Variants in DYNC2H1 observed in about 807,000 individuals in gnomAD.
DYNC2H1 encodes cytoplasmic dynein 2 heavy chain 1.
In DYNC2H1, 410 loss-of-function variants were observed where a neutral mutation model predicts 570.0. That is an observed-to-expected ratio of 0.72 (90% CI 0.66 to 0.78). The LOEUF (loss-of-function observed/expected upper bound fraction) is 0.78, where lower values mean the gene tolerates loss of function less well. Ranked by LOEUF, DYNC2H1 falls within the 30% of genes least tolerant of loss-of-function variation. The probability of loss-of-function intolerance (pLI) is 0.00; values close to 1 mark genes in which losing one functional copy is unlikely to be tolerated. For missense variants in DYNC2H1, 4,865 were observed against 5,046.4 expected (o/e 0.96, Z 1.09); for synonymous variants, 1,688 against 1,677.6 (o/e 1.01, Z -0.15).
chr11:103,214,833 A>G (rs1161009071), intron 54 of DYNC2H1, among the ~76,000 whole-genome samples: 2 of 127,440 alleles, frequency 1.6e-5, no homozygotes, highest in African/African-American at 2.9e-5. Context: ...TTTCATTGGT[A>G]TGCTGTGGTT....
intron 82 of DYNC2H1, among the ~76,000 whole-genome samples, chr11:103,350,501 G>T (rs976105859): frequency 6.6e-6 from 1 of 152,056 alleles, no homozygotes; most frequent in African/African-American, 2.4e-5. Context: ...AAAGGGAATG[G>T]TTTTTAACAT....
rs773881152 is a variant in DYNC2H1, at chr11:103,120,816, A to G, written c.1248+14A>G. 4 of 1,414,362 alleles carry G rather than the reference A, an allele frequency of 2.8e-6. No homozygotes were observed. In the Admixed American group the frequency reaches 1.0e-4, roughly 37 times the overall value. 87.6% of individuals were successfully genotyped at this position (1,414,362 alleles called of 1,614,324 possible). On this transcript the variant is annotated intron_variant, in intron 8 of 88. Coordinates refer to ENST00000375735, the MANE Select transcript of DYNC2H1 (RefSeq NM_001377.3). Reference sequence around the variant, plus strand: ...AGTCCACAGCAGGTAAAACATTGAGATATTTCACTTTTAATATTTCTCTTA... The same window carrying G: ...AGTCCACAGCAGGTAAAACATTGAGGTATTTCACTTTTAATATTTCTCTTA...
intron 83 of DYNC2H1, among the ~76,000 whole-genome samples, chr11:103,383,323 C>T (rs1262764016): frequency 6.6e-6 from 1 of 152,154 alleles, no homozygotes; most frequent in Non-Finnish European, 1.5e-5. Flanking sequence ...GCAGAGTTAG[C>T]CCCAGCTTCA....
rs1013424243 is a variant in DYNC2H1, at chr11:103,275,052, C to T, written c.10696-5296C>T. Among the ~76,000 whole-genome samples the T allele has an allele frequency of 1.3e-5, 2 of 151,942 alleles. No homozygotes were observed. The highest frequency in any genetic ancestry group is 2.4e-5 in the African/African-American group (1 of 41,324). ...GAGGTTGCAGTGATCTGAGATTGCG[C>T]CACTGCACTCCAGCCTGGGCGACAG... On this transcript the variant is annotated intron_variant, in intron 70 of 88. Transcript: ENST00000375735. This position sits in a 1 kb window ranked among gnomAD's most constrained non-coding sequence, Gnocchi z 4.8.
chr11:103,374,408 C>G (rs1941304316), intron 83 of DYNC2H1, among the ~76,000 whole-genome samples: 1 of 152,104 alleles, frequency 6.6e-6, no homozygotes. Flanking sequence ...TGAGAACAGA[C>G]TAATACAGTA....
At chr11:103,274,168 C>G (rs1163608193) in intron 70 of DYNC2H1, among the ~76,000 whole-genome samples, 2 of 150,772 alleles carry the variant, frequency 1.3e-5, no homozygotes, top group Non-Finnish European at 3.0e-5. Context: ...ATATATATAT[C>G]TGTGTGTGTC....
rs1198912472 is a variant in DYNC2H1, at chr11:103,334,348, G to C, written c.12039+10358G>C. On this transcript the variant is annotated intron_variant, in intron 82 of 88. Transcript: ENST00000375735. The surrounding 1 kb of genome is among the most constrained non-coding windows in gnomAD (Gnocchi z 4.3). ...ATTTAGGTATTTCTGGCACGGATAG[G>C]GTAGAACAGAATTTGGCTACAAGGA... Among the ~76,000 whole-genome samples the C allele has an allele frequency of 2.6e-5, 4 of 151,970 alleles. No homozygotes were observed. The highest frequency in any genetic ancestry group is 4.8e-5 in the African/African-American group (2 of 41,384).
chr11:103,330,809 G>C (rs1938745723), intron 82 of DYNC2H1, among the ~76,000 whole-genome samples: 1 of 152,084 alleles, frequency 6.6e-6, no homozygotes, highest in African/African-American at 2.4e-5. Flanking sequence ...TGTGGCACCA[G>C]CAGAGTCAGA....
At chr11:103,390,614 A>G (rs2135606157) in intron 83 of DYNC2H1, among the ~76,000 whole-genome samples, 1 of 152,254 alleles carries the variant, frequency 6.6e-6, no homozygotes. Context: ...ACAATTTGGC[A>G]TGTTTTTGCA....
rs1858413990 is a variant in DYNC2H1 at position 103,116,634 on chromosome 11, A to G, written c.686A>G (p.Asp229Gly). The G allele has an allele frequency of 6.2e-7, 1 of 1,609,790 alleles. No individual in the cohort carries two copies. Among genetic ancestry groups the G allele is most frequent in the Non-Finnish European group, 8.5e-7 (1 of 1,177,500 alleles). Residue 229 changes from aspartate to glycine, a missense_variant, in exon 5 of 89, where the codon GAT (aspartate) becomes GGT (glycine). Asp to Gly is a moderately conservative substitution (Grantham distance 94, BLOSUM62 -1). Around this residue, in one of 5 missense-constraint regions of DYNC2H1, gnomAD observed 1,936 missense variants for 1,962.1 expected, o/e 0.99. Coordinates refer to ENST00000375735, the MANE Select transcript of DYNC2H1 (RefSeq NM_001377.3). ...EVVDLVETTQ[D>G]VVDDVWRQTE... ...GTTGACTTGGTGGAGACTACTCAGG[A>G]TGTTGTAGATGATGTGTGGAGACAA... is the stretch of plus-strand genomic sequence containing the variant.
chr11:103,137,624 C>G, intron 17 of DYNC2H1, among the ~76,000 whole-genome samples: 1 of 152,082 alleles, frequency 6.6e-6, no homozygotes, highest in Non-Finnish European at 1.5e-5. Flanking sequence ...GTTTTGGTTA[C>G]TGTAGCCTTG....
intron 82 of DYNC2H1, among the ~76,000 whole-genome samples, chr11:103,347,670 A>C (rs573163749): frequency 6.6e-5 from 10 of 152,170 alleles, no homozygotes; most frequent in Non-Finnish European, 1.2e-4. Context: ...AATATTTAAA[A>C]GTTTTTAAAA....
chr11:103,427,674 G>A (rs1222219590), intron 84 of DYNC2H1, among the ~76,000 whole-genome samples: 1 of 152,036 alleles, frequency 6.6e-6, no homozygotes, highest in Non-Finnish European at 1.5e-5. Flanking sequence ...ACTGTGGAGG[G>A]AAGAAAGAGA....
At position 103,289,764 on chromosome 11, in the gene DYNC2H1, GA is replaced by G. The variant is rs1181107036; in HGVS notation, c.11095+2166del. ...CAGCAGAGCAAGACCTCATCTCAAA[GA>G]AAAAAAGAAAAATGATTCTCTTTGT... is the stretch of plus-strand genomic sequence containing the variant. On this transcript the variant is annotated intron_variant, in intron 75 of 88. Transcript: ENST00000375735. The surrounding 1 kb of genome is among the most constrained non-coding windows in gnomAD (Gnocchi z 4.2). Among the ~76,000 whole-genome samples, 1 of 151,682 alleles carries G rather than the reference GA, an allele frequency of 6.6e-6. No individual in the cohort carries two copies. The highest frequency in any genetic ancestry group is 1.5e-5 in the Non-Finnish European group (1 of 67,870).
chr11:103,293,605 T>G (rs1341574135), intron 75 of DYNC2H1, among the ~76,000 whole-genome samples: 1 of 147,770 alleles, frequency 6.8e-6, no homozygotes, highest in Non-Finnish European at 1.5e-5. Flanking sequence ...ACTTCATCCT[T>G]TTTATTCTTC....
rs1230509435 is a variant in DYNC2H1, at chr11:103,217,221, T to G, written c.8832+1363T>G. On this transcript the variant is annotated intron_variant, in intron 55 of 88. Transcript: ENST00000375735. ...GTTATGGGAGTTAGGATTTCTTTTT[T>G]TTTTTTTGAGACGGAGTCTCGCTCT... 2.1e-4 allele frequency among the ~76,000 whole-genome samples: 4 copies of G among 19,180 alleles called. 2 individuals carry two copies. Among genetic ancestry groups the G allele is most frequent in the African/African-American group, 8.9e-4 (4 of 4,474 alleles). The allele number at this position is 19,180 out of a possible 152,430, so 12.6% of individuals were successfully genotyped here.
chr11:103,193,236 G>A (rs773728672), intron 47 of DYNC2H1, among the ~76,000 whole-genome samples: 3 of 152,178 alleles, frequency 2.0e-5, no homozygotes, highest in Non-Finnish European at 2.9e-5. Flanking sequence ...TTCAGAGTTT[G>A]CTTGACTTGG....
Position 103,459,258 on chromosome 11 carries a change from G to A in DYNC2H1, c.12648+2902G>A, listed in dbSNP as rs1315394889. On this transcript the variant is annotated intron_variant, in intron 87 of 88. Coordinates refer to ENST00000375735, the MANE Select transcript of DYNC2H1 (RefSeq NM_001377.3). ...CGGGAGGCGGAGCTTGCAGTGAGCCGAGATCCCGCCACTGCACTCCAGCCT... is the reference window on the plus strand; with the variant it reads ...CGGGAGGCGGAGCTTGCAGTGAGCCAAGATCCCGCCACTGCACTCCAGCCT... 9.7e-5 allele frequency among the ~76,000 whole-genome samples: 12 copies of A among 123,650 alleles called. No individual in the cohort carries two copies. The Admixed American group carries it at 1.2e-3, about 12-fold the overall frequency. 81.1% of individuals were successfully genotyped at this position (123,650 alleles called of 152,430 possible). A position where few individuals can be genotyped will look rare whatever the true frequency, so the allele number is the denominator to read the frequency against.
chr11:103,243,078 A>C lies in DYNC2H1; in HGVS notation c.9820-615A>C, dbSNP rs1442809589. On this transcript the variant is annotated intron_variant, in intron 63 of 88. Coordinates refer to ENST00000375735, the MANE Select transcript of DYNC2H1 (RefSeq NM_001377.3). The surrounding 1 kb of genome is among the most constrained non-coding windows in gnomAD (Gnocchi z 4.8). ...TTTTTAGTTCATTTCATTAGATCTT[A>C]ACCTACAGCCCATGTAATTTTCTCT... is the stretch of plus-strand genomic sequence containing the variant. Among the ~76,000 whole-genome samples, 1 of 152,114 alleles carries C rather than the reference A, an allele frequency of 6.6e-6. No individual in the cohort carries two copies. Among genetic ancestry groups the C allele is most frequent in the Non-Finnish European group, 1.5e-5 (1 of 68,038 alleles).
Sources: gnomAD v4.1 joint callset for allele counts (sites outside exome capture counted in the v4.1 genomes callset) on GRCh38, gnomAD v4.1.1 for gene constraint, gnomAD v4.1.1 regional missense constraint, Gnocchi (gnomAD v3.1) non-coding constraint, MANE v1.5 for transcripts, NCBI Gene and HGNC (gene_info 2026-07-23, HGNC 2026-07-21) for gene names.